Variants in PCDHGA7 observed in about 807,000 individuals in gnomAD.
PCDHGA7 encodes protocadherin gamma-A7.
Under a neutral mutation model 58.3 loss-of-function variants are expected in PCDHGA7, and 44 were observed. The ratio of observed to expected loss-of-function variants is 0.75; its 90% CI spans 0.59 to 0.97. The LOEUF is 0.97. PCDHGA7 is among the 50% of genes least tolerant of loss of function. The pLI is 0.00. For synonymous variants in PCDHGA7, 516 were observed against 504.2 expected (o/e 1.02, Z -0.31); for missense variants, 1,266 against 1,188.7 (o/e 1.06, Z -0.96).
intron 2 of PCDHGA7, among the ~76,000 whole-genome samples, chr5:141,504,253 G>A (rs1036263329): frequency 6.6e-6 from 1 of 152,100 alleles, no homozygotes; most frequent in Non-Finnish European, 1.5e-5. Context: ...TTCTTCTTAT[G>A]GTTTAGTATT....
intron 1 of PCDHGA7, chr5:141,413,804 CCATTCACCACCTGGTCCTCA>C: frequency 1.2e-6 from 2 of 1,613,194 alleles, no homozygotes; most frequent in Non-Finnish European, 1.7e-6. Flanking sequence ...GAGGAAGAGG[CCATTCACCACCTGGTCCTCA>C]CCGCCTCCGA....
At chr5:141,400,760 C>G (rs1296918626) in intron 1 of PCDHGA7, 2 of 582,290 alleles carry the variant, frequency 3.4e-6, no homozygotes, top group Non-Finnish European at 6.0e-6. Context: ...TCCTCTCTAG[C>G]AAAAACATTT....
rs978480877 is a variant in PCDHGA7, at chr5:141,417,841, G to A, written c.2424+32518G>A. ...CTCCAACTGGAAAAGCGGGGACCCAGCGAGAACCCGAGCGAACGATGGGAG... is the reference window on the plus strand; with the variant it reads ...CTCCAACTGGAAAAGCGGGGACCCAACGAGAACCCGAGCGAACGATGGGAG... On this transcript the variant is annotated intron_variant, in intron 1 of 3. Coordinates refer to ENST00000518325, the MANE Select transcript of PCDHGA7 (RefSeq NM_018920.4). 1.4e-5 allele frequency: 21 copies of A among 1,537,848 alleles called. No homozygotes were observed. In the African/African-American group the frequency reaches 2.6e-4, roughly 19 times the overall value.
intron 1 of PCDHGA7, chr5:141,413,750 G>T (rs1325273363): frequency 6.2e-7 from 1 of 1,612,538 alleles, no homozygotes; most frequent in African/African-American, 1.3e-5. Flanking sequence ...CGTGCCAATG[G>T]CGTCAAGTAC....
rs1779235852 is a variant in PCDHGA7 at position 141,383,542 on chromosome 5, T to G, written c.643T>G (p.Ser215Ala). The G allele has an allele frequency of 6.2e-7, 1 of 1,612,562 alleles. No individual in the cohort carries two copies. Among genetic ancestry groups the G allele is most frequent in the Non-Finnish European group, 8.5e-7 (1 of 1,179,416 alleles). Residue 215 changes from serine to alanine, a missense_variant, in exon 1 of 4, where the codon TCT (serine) becomes GCT (alanine). Ser to Ala is a moderately conservative substitution (Grantham distance 99, BLOSUM62 1). Transcript: ENST00000518325. ...GGTTCACCACCTGGTCCTCACAGCC[T>G]CTGATGGCGGCGACCCGCCCCGATC... ...ERVHHLVLTA[S>A]DGGDPPRSST... is the part of the protein sequence containing the mutation.
intron 2 of PCDHGA7, among the ~76,000 whole-genome samples, chr5:141,499,297 T>A (rs1449576891): frequency 1.3e-5 from 2 of 152,036 alleles, no homozygotes; most frequent in Non-Finnish European, 2.9e-5. Flanking sequence ...CACACTACCA[T>A]CCCTCCTCTG....
chr5:141,459,285 A>G (rs1316912878), intron 1 of PCDHGA7, among the ~76,000 whole-genome samples: 1 of 152,202 alleles, frequency 6.6e-6, no homozygotes, highest in Non-Finnish European at 1.5e-5. Context: ...TTTCATCTAA[A>G]TGGAATCCTA....
intron 1 of PCDHGA7, chr5:141,423,829 A>G: frequency 7.9e-7 from 1 of 1,268,964 alleles, no homozygotes; most frequent in Non-Finnish European, 9.9e-7. Flanking sequence ...GCCTTTCATG[A>G]GATTACGATA....
chr5:141,500,294 C>T (rs755761935), intron 2 of PCDHGA7, among the ~76,000 whole-genome samples: 3 of 151,732 alleles, frequency 2.0e-5, no homozygotes, highest in Non-Finnish European at 2.9e-5. Flanking sequence ...CTGCAAGCTC[C>T]GCCTCCCAGG....
intron 1 of PCDHGA7, chr5:141,398,610 T>C: frequency 6.2e-7 from 1 of 1,614,020 alleles, no homozygotes. Context: ...AAGATGCAGA[T>C]ATTGGCTTAA....
chr5:141,470,459 A>T (rs59770804), intron 1 of PCDHGA7, among the ~76,000 whole-genome samples: 32,627 of 152,034 alleles, frequency 0.21, 3,610 homozygotes, highest in African/African-American at 0.27. Context: ...CTTGAATAGG[A>T]TTTTCTGATA....
In PCDHGA7 at chr5:141,490,262, G is replaced by A; in HGVS notation, c.2425-4545G>A. 1.2e-6 allele frequency: 2 copies of A among 1,614,206 alleles called. No homozygotes were observed. Among genetic ancestry groups the A allele is most frequent in the South Asian group, 1.1e-5 (1 of 91,086 alleles). On this transcript the variant is annotated intron_variant, in intron 1 of 3. Transcript: ENST00000518325. The surrounding 1 kb of genome is among the most constrained non-coding windows in gnomAD (Gnocchi z 5.4). ...CACTGTGTGATTCAAGTGGATGTGGGGGATGTCAATGACAATGCCCCAGAG... is the reference window on the plus strand; with the variant it reads ...CACTGTGTGATTCAAGTGGATGTGGAGGATGTCAATGACAATGCCCCAGAG...
Position 141,486,817 on chromosome 5 carries a change from T to A in PCDHGA7, c.2425-7990T>A, listed in dbSNP as rs143638501. On this transcript the variant is annotated intron_variant, in intron 1 of 3. Transcript: ENST00000518325. The surrounding 1 kb of genome is among the most constrained non-coding windows in gnomAD (Gnocchi z 5.0). ...GGGGCAACCCACCCCTTAGCAGCAC[T>A]GTAACAGTTCGTCTATTTGTGCTGG... 1 of 1,614,102 alleles carries A rather than the reference T, an allele frequency of 6.2e-7. No homozygotes were observed. Among genetic ancestry groups the A allele is most frequent in the East Asian group, 2.2e-5 (1 of 44,898 alleles).
intron 1 of PCDHGA7, chr5:141,441,637 C>T (rs1200679247): frequency 4.4e-6 from 1 of 228,574 alleles, no homozygotes; most frequent in South Asian, 4.8e-5. Context: ...GAGCCACAGG[C>T]GCTGTGATTC....
rs1432960207 is a variant in PCDHGA7, at chr5:141,477,648, C to A, written c.2425-17159C>A. On this transcript the variant is annotated intron_variant, in intron 1 of 3. Coordinates refer to ENST00000518325, the MANE Select transcript of PCDHGA7 (RefSeq NM_018920.4). This position sits in a 1 kb window ranked among gnomAD's most constrained non-coding sequence, Gnocchi z 4.9. ...ACCGGGCTAGTGGGTCGCTATTTCA[C>A]AATAAATCGTGACAATGGCATAGTG... is the stretch of plus-strand genomic sequence containing the variant. 7 of 1,614,046 alleles carry A rather than the reference C, an allele frequency of 4.3e-6. No homozygotes were observed. Among genetic ancestry groups the A allele is most frequent in the Non-Finnish European group, 5.9e-6 (7 of 1,180,044 alleles).
At chr5:141,461,893 G>A (rs2099025951) in intron 1 of PCDHGA7, among the ~76,000 whole-genome samples, 1 of 151,772 alleles carries the variant, frequency 6.6e-6, no homozygotes, top group African/African-American at 2.4e-5. Context: ...GCACGATCTC[G>A]GCTCACTGCA....
chr5:141,438,635 T>C (rs1325567714), intron 1 of PCDHGA7, among the ~76,000 whole-genome samples: 9 of 33,420 alleles, frequency 2.7e-4, no homozygotes, highest in East Asian at 1.8e-3. Flanking sequence ...TATATATATA[T>C]ACACACACAC....
At chr5:141,417,680 A>G (rs1236124418) in intron 1 of PCDHGA7, 21 of 1,016,072 alleles carry the variant, frequency 2.1e-5, no homozygotes, top group Non-Finnish European at 2.9e-5. Context: ...AGCCAACAAC[A>G]GAAAAGAAAA....
intron 1 of PCDHGA7, chr5:141,389,757 C>A: frequency 6.2e-7 from 1 of 1,612,818 alleles, no homozygotes; most frequent in East Asian, 2.2e-5. Context: ...GGGCGAAGTG[C>A]GCACAGCGCG....
Sources: gnomAD v4.1 joint callset for allele counts (sites outside exome capture counted in the v4.1 genomes callset) on GRCh38, gnomAD v4.1.1 for gene constraint, Gnocchi (gnomAD v3.1) non-coding constraint, MANE v1.5 for transcripts, NCBI Gene and HGNC (gene_info 2026-07-23, HGNC 2026-07-21) for gene names.